Variants in ZNF365 observed in about 807,000 individuals in gnomAD.
ZNF365 encodes the protein zinc finger protein 365.
Under a neutral mutation model 35.0 loss-of-function variants are expected in ZNF365, and 22 were observed. That is an observed-to-expected ratio of 0.63 (90% CI 0.45 to 0.90). The LOEUF (loss-of-function observed/expected upper bound fraction) is 0.90, where lower values mean the gene tolerates loss of function less well. Among genes scored for constraint, ZNF365 ranks in the 40% least tolerant of loss-of-function variants. The pLI is 0.00. For synonymous variants in ZNF365, 188 were observed against 196.2 expected, an observed-to-expected ratio of 0.96 and a Z score of 0.35; for missense variants, 448 against 500.3, an observed-to-expected ratio of 0.90 and a Z score of 1.00.
chr10:62,409,754 C>G (rs1188072532), intron 3 of ZNF365, among the ~76,000 whole-genome samples: 3 of 152,096 alleles, frequency 2.0e-5, no homozygotes, highest in Non-Finnish European at 1.5e-5. Context: ...GTCAGAATCA[C>G]TAGAGTTAAC....
Position 62,400,306 on chromosome 10 carries a change from C to T in ZNF365, c.*517C>T. The T allele has an allele frequency of 1.0e-6, 1 of 986,716 alleles. No individual in the cohort carries two copies. Among genetic ancestry groups the T allele is most frequent in the Middle Eastern group, 5.2e-4 (1 of 1,914 alleles). The allele number at this position is 986,716 out of a possible 1,614,324, so 61.1% of individuals were successfully genotyped here. On this transcript the variant is annotated 3_prime_UTR_variant, in exon 5 of 5. Transcript: ENST00000395254. ...CCTCCAAAATAAGGATTCCCATTCCCCGAGTATTCTGGTTAATCAAGATTT... is the reference window on the plus strand; with the variant it reads ...CCTCCAAAATAAGGATTCCCATTCCTCGAGTATTCTGGTTAATCAAGATTT...
At chr10:62,457,759 G>A (rs1288447436) in intron 3 of ZNF365, among the ~76,000 whole-genome samples, 1 of 152,166 alleles carries the variant, frequency 6.6e-6, no homozygotes, top group East Asian at 1.9e-4. Context: ...ACGGTGGCTA[G>A]GTGTCAGGTG....
chr10:62,443,674 A>G (rs184222228), intron 3 of ZNF365, among the ~76,000 whole-genome samples: 2 of 152,326 alleles, frequency 1.3e-5, no homozygotes, highest in Admixed American at 1.3e-4. Context: ...CTTTTAAACA[A>G]CTGGCAAATA....
At chr10:62,438,053 CAGAT>C (rs1840434658) in intron 3 of ZNF365, among the ~76,000 whole-genome samples, 1 of 152,146 alleles carries the variant, frequency 6.6e-6, no homozygotes, top group Non-Finnish European at 1.5e-5. Flanking sequence ...AATTAGTTAA[CAGAT>C]AGGAGCATTT....
intron 2 of ZNF365, among the ~76,000 whole-genome samples, chr10:62,385,541 G>A (rs766094517): frequency 1.4e-4 from 22 of 152,164 alleles, no homozygotes; most frequent in Admixed American, 3.3e-4. Flanking sequence ...TGCTGTCTTC[G>A]CATATGCTAG....
intron 3 of ZNF365, among the ~76,000 whole-genome samples, chr10:62,456,846 A>G (rs1431652692): frequency 1.0e-5 from 1 of 98,238 alleles, no homozygotes; most frequent in Non-Finnish European, 1.9e-5. Flanking sequence ...GCACACATGC[A>G]CACACACACA....
chr10:62,396,760 T>G (rs1236419063), intron 3 of ZNF365, among the ~76,000 whole-genome samples: 1 of 152,052 alleles, frequency 6.6e-6, no homozygotes, highest in Non-Finnish European at 1.5e-5. Flanking sequence ...ATTTGTTCTC[T>G]CTCTCTCTCT....
chr10:62,401,812 A>G lies in ZNF365; in HGVS notation c.*2023A>G, dbSNP rs151002719. On this transcript the variant is annotated 3_prime_UTR_variant, in exon 5 of 5. Transcript: ENST00000395254. ...TTCATCTAACATAGAGGGCATGGCA[A>G]CTCTCTTTGACAGTGGTACCCCATG... is the stretch of plus-strand genomic sequence containing the variant. 2.3e-3 allele frequency: 2,276 copies of G among 985,428 alleles called. 39 individuals are homozygous for G. The African/African-American group carries it at 0.037, about 16-fold the overall frequency. The allele number at this position is 985,428 out of a possible 1,614,324, so 61.0% of individuals were successfully genotyped here. A position where few individuals can be genotyped will look rare whatever the true frequency, so the allele number is the denominator to read the frequency against.
At chr10:62,398,469 C>T (rs567808839) in intron 3 of ZNF365, among the ~76,000 whole-genome samples, 2 of 152,184 alleles carry the variant, frequency 1.3e-5, no homozygotes, top group Non-Finnish European at 1.5e-5. Context: ...GGCTCTTTTG[C>T]GTGTTTGAGA....
At chr10:62,404,253 T>C (rs769564114), downstream of ZNF365, among the ~76,000 whole-genome samples, 1 of 152,218 alleles carries the variant, frequency 6.6e-6, no homozygotes, top group Non-Finnish European at 1.5e-5. Flanking sequence ...AATGAGAACT[T>C]TGGTACCAAT....
chr10:62,378,126 A>G (rs1839367201), intron 2 of ZNF365, among the ~76,000 whole-genome samples: 1 of 152,200 alleles, frequency 6.6e-6, no homozygotes, highest in African/African-American at 2.4e-5. Flanking sequence ...CTCCTAGGGA[A>G]ATAATCTCTA....
intron 3 of ZNF365, among the ~76,000 whole-genome samples, chr10:62,430,230 A>T (rs1840312554): frequency 1.3e-5 from 2 of 149,802 alleles, no homozygotes; most frequent in South Asian, 2.1e-4. Flanking sequence ...AATTTTATAG[A>T]CCTAAAATTG....
At chr10:62,428,289 C>T (rs910700949) in intron 3 of ZNF365, among the ~76,000 whole-genome samples, 2 of 152,136 alleles carry the variant, frequency 1.3e-5, no homozygotes, top group African/African-American at 4.8e-5. Flanking sequence ...TGTGTCTCCA[C>T]CCAAATCTCA....
intron 3 of ZNF365, among the ~76,000 whole-genome samples, chr10:62,428,073 C>G (rs901827423): frequency 5.9e-5 from 9 of 152,134 alleles, no homozygotes; most frequent in Admixed American, 3.9e-4. Flanking sequence ...TTTTACCTTG[C>G]TTGCTATAGT....
Position 62,376,916 on chromosome 10 carries a change from G to A in ZNF365, c.723G>A (p.Glu241=). Residue 241 remains glutamate (E), a synonymous_variant, in exon 2 of 5, where the codon GAG becomes GAA. Coordinates refer to ENST00000395254, the MANE Select transcript of ZNF365 (RefSeq NM_014951.3). ...GGCAACGCCTGACGGAATCTGAGGA[G>A]GAGCTTCTTAGGAAAGAAGAGTAAG... The part of the protein sequence containing the change: ...VLRQRLTESE[E]ELLRKEEEVV... 1 of 1,612,026 alleles carries A rather than the reference G, an allele frequency of 6.2e-7. No homozygotes were observed. The highest frequency in any genetic ancestry group is 1.3e-5 in the African/African-American group (1 of 74,590).
In ZNF365 at chr10:62,401,487, G is replaced by T. The variant is rs202164670; in HGVS notation, c.*1698G>T. The T allele has an allele frequency of 3.7e-5, 4 of 108,298 alleles. No homozygotes were observed. Among genetic ancestry groups the T allele is most frequent in the East Asian group, 2.1e-3 (1 of 484 alleles). The allele number at this position is 108,298 out of a possible 1,614,324, so 6.7% of individuals were successfully genotyped here. A position where few individuals can be genotyped will look rare whatever the true frequency, so the allele number is the denominator to read the frequency against. On this transcript the variant is annotated 3_prime_UTR_variant, in exon 5 of 5. Coordinates refer to ENST00000395254, the MANE Select transcript of ZNF365 (RefSeq NM_014951.3). ...ATCTTCACTTTGACTTTCAGTTTAT[G>T]GGGGGGGTAGATCATTCATGTGATA...
At chr10:62,395,504 A>ATTTTTTTTTTTTTTTTTTT (rs67866839) in intron 3 of ZNF365, among the ~76,000 whole-genome samples, 1 of 98,466 alleles carries the variant, frequency 1.0e-5, no homozygotes, top group Non-Finnish European at 2.0e-5. Flanking sequence ...CACCCGGCTA[A>ATTTTTTTTTTTTTTTTTTT]TTTTTTTTTT....
Position 62,401,286 on chromosome 10 carries a change from C to T in ZNF365, c.*1497C>T, listed in dbSNP as rs1200681246. 1 of 985,086 alleles carries T rather than the reference C, an allele frequency of 1.0e-6. No individual in the cohort carries two copies. The highest frequency in any genetic ancestry group is 1.8e-5 in the African/African-American group (1 of 57,142). 61.0% of individuals were successfully genotyped at this position (985,086 alleles called of 1,614,324 possible). A position where few individuals can be genotyped will look rare whatever the true frequency, so the allele number is the denominator to read the frequency against. ...AACTGAATTCTCTTATTTAAAAAAT[C>T]AAAACTGTAACGTAATTAACATTGG... On this transcript the variant is annotated 3_prime_UTR_variant, in exon 5 of 5. Transcript: ENST00000395254.
intron 3 of ZNF365, among the ~76,000 whole-genome samples, chr10:62,396,239 T>C (rs78103115): frequency 0.011 from 1,643 of 152,360 alleles, 17 homozygotes; most frequent in African/African-American, 0.028. Flanking sequence ...TGTTCTTATA[T>C]GTATGTACAT....
Sources: allele counts gnomAD v4.1 joint callset (sites outside exome capture counted in the v4.1 genomes callset), GRCh38; gene constraint gnomAD v4.1.1; transcripts MANE v1.5; gene names NCBI Gene and HGNC (gene_info 2026-07-23, HGNC 2026-07-21).